Variants in KDM4C observed in about 807,000 individuals in gnomAD.
KDM4C encodes the protein lysine demethylase 4C, also known as lysine-specific demethylase 4C.
Under a neutral mutation model 129.3 loss-of-function variants are expected in KDM4C, and 81 were observed. The observed-to-expected ratio is 0.63, with a 90% CI of 0.52 to 0.75. The LOEUF (loss-of-function observed/expected upper bound fraction) is 0.75, where lower values mean the gene tolerates loss of function less well. Among genes scored for constraint, KDM4C ranks in the 30% least tolerant of loss-of-function variants. The pLI is 0.00. For missense variants in KDM4C, 1,457 were observed against 1,304.0 expected, an observed-to-expected ratio of 1.12 and a Z score of -1.81; for synonymous variants, 573 against 456.1, an observed-to-expected ratio of 1.26 and a Z score of -3.26.
chr9:6,956,726 G>C (rs1420859195), intron 8 of KDM4C, among the ~76,000 whole-genome samples: 1 of 152,190 alleles, frequency 6.6e-6, no homozygotes, highest in East Asian at 1.9e-4. Context: ...TATGAGGTCT[G>C]ACCAGGCCCA....
chr9:6,787,731 G>C (rs112869841), intron 1 of KDM4C, among the ~76,000 whole-genome samples: 347 of 152,280 alleles, frequency 2.3e-3, no homozygotes, highest in African/African-American at 8.1e-3. Context: ...TTCCAGCCTT[G>C]TCCTTTTTGA....
intron 19 of KDM4C, among the ~76,000 whole-genome samples, chr9:7,151,931 T>C (rs926645923): frequency 2.0e-5 from 3 of 152,200 alleles, no homozygotes; most frequent in African/African-American, 4.8e-5. Context: ...GGGCACAGAA[T>C]TGGTTCTTTC....
At chr9:7,122,265 A>ACACACACACACTCT (rs375655422) in intron 18 of KDM4C, among the ~76,000 whole-genome samples, 5 of 144,822 alleles carry the variant, frequency 3.5e-5, no homozygotes, top group East Asian at 2.1e-4. Context: ...ACACACACAC[A>ACACACACACACTCT]CTCTCTCTCT....
At chr9:6,894,532 T>TTACAGATATAAGTCAGCTATTACA (rs1846551869) in intron 8 of KDM4C, among the ~76,000 whole-genome samples, 1 of 152,264 alleles carries the variant, frequency 6.6e-6, no homozygotes, top group Non-Finnish European at 1.5e-5. Flanking sequence ...GCACCTTTAC[T>TTACAGATATAAGTCAGCTATTACA]TACAGATATA....
intron 1 of KDM4C, among the ~76,000 whole-genome samples, chr9:6,733,732 T>A (rs890304726): frequency 6.6e-6 from 1 of 152,200 alleles, no homozygotes; most frequent in Admixed American, 6.5e-5. Context: ...AATAAAAGAA[T>A]GGCTATTCCA....
intron 1 of KDM4C, among the ~76,000 whole-genome samples, chr9:6,763,040 G>GA (rs1488415527): frequency 6.6e-6 from 1 of 151,818 alleles, no homozygotes; most frequent in Non-Finnish European, 1.5e-5. Flanking sequence ...TGGTGGGGGG[G>GA]GATGGATGGG....
chr9:6,819,677 G>A (rs574830132), intron 4 of KDM4C, among the ~76,000 whole-genome samples: 19 of 152,266 alleles, frequency 1.2e-4, no homozygotes, highest in Admixed American at 3.3e-4. Flanking sequence ...GTATTTACCC[G>A]CCTTGAGGTA....
At chr9:6,948,738 C>T (rs1399277435) in intron 8 of KDM4C, among the ~76,000 whole-genome samples, 37 of 151,910 alleles carry the variant, frequency 2.4e-4, no homozygotes, top group Admixed American at 2.0e-3. Flanking sequence ...CATCTTGCAC[C>T]GCCCTTAATC....
rs1290589041 is a variant in KDM4C, at chr9:7,046,942, A to T, written c.2315+25A>T. The T allele has an allele frequency of 4.1e-6, 6 of 1,471,002 alleles. No homozygotes were observed. The African/African-American group carries it at 4.1e-5, about 10-fold the overall frequency. 91.1% of individuals were successfully genotyped at this position (1,471,002 alleles called of 1,614,324 possible). A position where few individuals can be genotyped will look rare whatever the true frequency, so the allele number is the denominator to read the frequency against. On this transcript the variant is annotated intron_variant, in intron 16 of 21. Transcript: ENST00000381309. The stretch of plus-strand genomic sequence containing the variant: ...AGTAAGTAATACATTAATTGTGTTG[A>T]ATTTCATTATTTTTCTTTCTCCATT...
At position 7,136,387 on chromosome 9, in the gene KDM4C, A is replaced by G. The variant is rs182516153; in HGVS notation, c.2781+8151A>G. On this transcript the variant is annotated intron_variant, in intron 19 of 21. Transcript: ENST00000381309. ...AAGTTATATGGTAAGTGTGTGTTCAACTTTATAGGAAACTGCCAAACTGTT... is the reference window on the plus strand; with the variant it reads ...AAGTTATATGGTAAGTGTGTGTTCAGCTTTATAGGAAACTGCCAAACTGTT... 3.3e-5 allele frequency among the ~76,000 whole-genome samples: 5 copies of G among 152,312 alleles called. No individual in the cohort carries two copies. The East Asian group carries it at 7.7e-4, about 24-fold the overall frequency.
intron 8 of KDM4C, among the ~76,000 whole-genome samples, chr9:6,957,963 A>G (rs564376241): frequency 6.6e-6 from 1 of 152,330 alleles, no homozygotes; most frequent in South Asian, 2.1e-4. Context: ...TTTGAGGGCC[A>G]TGGAGAAGTT....
At chr9:7,092,329 C>G (rs1587591108) in intron 17 of KDM4C, among the ~76,000 whole-genome samples, 1 of 152,164 alleles carries the variant, frequency 6.6e-6, no homozygotes, top group Non-Finnish European at 1.5e-5. Context: ...CTCCTTTACT[C>G]TGCCAGGTGG....
intron 8 of KDM4C, among the ~76,000 whole-genome samples, chr9:6,951,819 G>T (rs1343707767): frequency 6.6e-6 from 1 of 152,134 alleles, no homozygotes; most frequent in Non-Finnish European, 1.5e-5. Context: ...TTAGTACTTT[G>T]TATGTGAATT....
At chr9:6,890,392 C>T (rs1340256010) in intron 7 of KDM4C, among the ~76,000 whole-genome samples, 1 of 152,216 alleles carries the variant, frequency 6.6e-6, no homozygotes, top group African/African-American at 2.4e-5. Flanking sequence ...TTCAACTCAG[C>T]CCTCTTCCTG....
intron 8 of KDM4C, among the ~76,000 whole-genome samples, chr9:6,929,321 T>G (rs1374246709): frequency 6.6e-6 from 1 of 152,216 alleles, no homozygotes; most frequent in Admixed American, 6.5e-5. Context: ...AGAAACTGAG[T>G]GCCCTTTTAC....
chr9:6,959,654 A>G (rs995626684), intron 8 of KDM4C, among the ~76,000 whole-genome samples: 2 of 152,206 alleles, frequency 1.3e-5, no homozygotes, highest in African/African-American at 4.8e-5. Context: ...TAATAAGACA[A>G]CTTCAAGAAG....
At chr9:6,899,542 G>GGGTGTGTGT (rs1554633822) in intron 8 of KDM4C, among the ~76,000 whole-genome samples, 1 of 150,054 alleles carries the variant, frequency 6.7e-6, no homozygotes, top group African/African-American at 2.5e-5. Context: ...TTTCCATGGG[G>GGGTGTGTGT]GTGTGTGTGT....
At chr9:6,856,533 T>TGC (rs1491285565) in intron 5 of KDM4C, among the ~76,000 whole-genome samples, 2 of 126,794 alleles carry the variant, frequency 1.6e-5, no homozygotes, top group East Asian at 2.3e-4. Context: ...TATCTCTCTC[T>TGC]GTGTGCGTGT....
chr9:6,845,105 A>T (rs1250587432), intron 4 of KDM4C, among the ~76,000 whole-genome samples: 1 of 152,224 alleles, frequency 6.6e-6, no homozygotes, highest in Non-Finnish European at 1.5e-5. Context: ...AAGGTTTCTA[A>T]CATGGCATGT....
Sources: allele counts gnomAD v4.1 joint callset (sites outside exome capture counted in the v4.1 genomes callset), GRCh38; gene constraint gnomAD v4.1.1; transcripts MANE v1.5; gene names NCBI Gene and HGNC (gene_info 2026-07-23, HGNC 2026-07-21).